The following RALYL variants were observed in gnomAD, a reference collection of about 807,000 sequenced individuals.
The protein encoded by RALYL is RNA-binding Raly-like protein.
A neutral mutation model predicts 35.1 loss-of-function variants in RALYL; 29 were observed. The observed-to-expected ratio is 0.83, with a 90% CI of 0.61 to 1.13. RALYL has a LOEUF of 1.13. Ranked by LOEUF, RALYL falls within the 50% of genes most tolerant of loss-of-function variation. The pLI is 0.00. For synonymous variants in RALYL, 120 were observed against 127.6 expected (o/e 0.94, Z 0.40); for missense variants, 359 against 360.4 (o/e 1.00, Z 0.03).
intron 5 of RALYL, among the ~76,000 whole-genome samples, chr8:84,857,715 A>C (rs1837334470): frequency 6.6e-6 from 1 of 152,174 alleles, no homozygotes; most frequent in African/African-American, 2.4e-5. Flanking sequence ...ATATAAACCA[A>C]AGAGAATGAG....
chr8:84,539,173 A>C (rs143935474), intron 2 of RALYL, among the ~76,000 whole-genome samples: 225 of 152,294 alleles, frequency 1.5e-3, no homozygotes, highest in African/African-American at 5.2e-3. Context: ...AACTTTGGAC[A>C]AGTTACTAAA....
chr8:84,843,552 T>G (rs1424789295), intron 4 of RALYL, among the ~76,000 whole-genome samples: 6 of 152,110 alleles, frequency 3.9e-5, no homozygotes, highest in African/African-American at 1.4e-4. Flanking sequence ...CCAAGGTAAT[T>G]TACAGATTCA....
rs535900563 is a variant in RALYL, at chr8:84,470,599, A to G, written c.-23-58700A>G. ...GCTGGCAATTTGATGTTTTACTGAC[A>G]TTGTGTCCTGCCAGCCTATTGTGAG... On this transcript the variant is annotated intron_variant, in intron 1 of 8. Transcript: ENST00000521268. 2.2e-4 allele frequency among the ~76,000 whole-genome samples: 33 copies of G among 152,154 alleles called. No individual in the cohort carries two copies. In the South Asian group the frequency reaches 6.2e-3, roughly 29 times the overall value.
At chr8:84,840,940 C>T (rs1413614624) in intron 4 of RALYL, among the ~76,000 whole-genome samples, 2 of 152,068 alleles carry the variant, frequency 1.3e-5, no homozygotes, top group African/African-American at 4.8e-5. Context: ...CACCACCAGG[C>T]CTGCCCTAAA....
At chr8:84,473,391 A>G (rs2053028276) in intron 1 of RALYL, among the ~76,000 whole-genome samples, 1 of 151,638 alleles carries the variant, frequency 6.6e-6, no homozygotes, top group African/African-American at 2.4e-5. Context: ...CATCATCATG[A>G]TCATCTTTAA....
chr8:84,543,514 C>A (rs985574336), intron 2 of RALYL, among the ~76,000 whole-genome samples: 5 of 149,570 alleles, frequency 3.3e-5, no homozygotes, highest in Non-Finnish European at 7.4e-5. Flanking sequence ...TAAAAAAAAA[C>A]AACTTAGTAA....
At chr8:84,308,887 A>AT (rs1251188183) in intron 1 of RALYL, among the ~76,000 whole-genome samples, 2 of 152,112 alleles carry the variant, frequency 1.3e-5, no homozygotes, top group Non-Finnish European at 2.9e-5. Flanking sequence ...TTATAGATTG[A>AT]TAAAAACATG....
intron 1 of RALYL, among the ~76,000 whole-genome samples, chr8:84,369,815 C>G (rs1437775235): frequency 1.3e-5 from 2 of 151,992 alleles, no homozygotes; most frequent in Admixed American, 6.6e-5. Flanking sequence ...TATAGCAAAC[C>G]ATTAAAAATT....
chr8:84,737,014 G>T (rs1321824503), intron 2 of RALYL, among the ~76,000 whole-genome samples: 1 of 151,948 alleles, frequency 6.6e-6, no homozygotes, highest in Non-Finnish European at 1.5e-5. Flanking sequence ...TTCCACATCA[G>T]CACAAAAACT....
At chr8:84,282,787 T>A (rs919204963) in intron 1 of RALYL, among the ~76,000 whole-genome samples, 22 of 151,528 alleles carry the variant, frequency 1.5e-4, no homozygotes, top group African/African-American at 4.8e-4. Context: ...TGTATACATA[T>A]ATATAATTTA....
intron 8 of RALYL, among the ~76,000 whole-genome samples, chr8:84,908,799 G>T (rs1468828128): frequency 6.6e-6 from 1 of 151,580 alleles, no homozygotes; most frequent in Non-Finnish European, 1.5e-5. Flanking sequence ...CTGCTGATCT[G>T]CATTTCGTGC....
intron 2 of RALYL, among the ~76,000 whole-genome samples, chr8:84,686,368 T>C (rs568419318): frequency 6.6e-5 from 10 of 151,850 alleles, no homozygotes; most frequent in African/African-American, 2.4e-4. Flanking sequence ...ACTGCCAGCA[T>C]GTTATTTAGC....
chr8:84,570,893 G>T (rs1807806945), intron 2 of RALYL, among the ~76,000 whole-genome samples: 1 of 151,654 alleles, frequency 6.6e-6, no homozygotes, highest in African/African-American at 2.4e-5. Context: ...TTATTGATTT[G>T]CATATGTTGA....
At chr8:84,500,830 C>A (rs1250353395) in intron 1 of RALYL, among the ~76,000 whole-genome samples, 1 of 152,090 alleles carries the variant, frequency 6.6e-6, no homozygotes, top group East Asian at 1.9e-4. Flanking sequence ...TCTATCCCCG[C>A]TGAGTAGATT....
At chr8:84,688,632 AC>A (rs1200521116) in intron 2 of RALYL, among the ~76,000 whole-genome samples, 2 of 152,276 alleles carry the variant, frequency 1.3e-5, no homozygotes, top group East Asian at 1.9e-4. Flanking sequence ...GTAGAAAAAA[AC>A]ATAGGGAAAA....
chr8:84,275,611 T>C (rs2132006840), intron 1 of RALYL, among the ~76,000 whole-genome samples: 1 of 152,214 alleles, frequency 6.6e-6, no homozygotes, highest in South Asian at 2.1e-4. Context: ...CATAATTTTC[T>C]GCAATAGATC....
intron 2 of RALYL, among the ~76,000 whole-genome samples, chr8:84,647,628 G>A (rs1029577731): frequency 6.6e-6 from 1 of 151,950 alleles, no homozygotes; most frequent in Non-Finnish European, 1.5e-5. Flanking sequence ...AGGTCTTTGT[G>A]GACTCAATTT....
intron 2 of RALYL, among the ~76,000 whole-genome samples, chr8:84,571,996 T>C (rs973949102): frequency 6.6e-6 from 1 of 151,828 alleles, no homozygotes; most frequent in African/African-American, 2.4e-5. Context: ...GAATTTGATG[T>C]TTTTGAGACT....
chr8:84,671,268 G>A (rs1364605508), intron 2 of RALYL, among the ~76,000 whole-genome samples: 1 of 152,122 alleles, frequency 6.6e-6, no homozygotes, highest in African/African-American at 2.4e-5. Context: ...AGCCCTCCCT[G>A]CTGGCTGCTG....
Sources: allele counts gnomAD v4.1 joint callset (sites outside exome capture counted in the v4.1 genomes callset), GRCh38; gene constraint gnomAD v4.1.1; transcripts MANE v1.5; gene names NCBI Gene and HGNC (gene_info 2026-07-23, HGNC 2026-07-21).